RYR2: variants seen among roughly 807,000 people sequenced by gnomAD.
RYR2 encodes ryanodine receptor 2.
RYR2 carries 227 observed loss-of-function variants against 601.1 expected under a neutral mutation model. That is an observed-to-expected ratio of 0.38 (90% confidence interval 0.34 to 0.42). The LOEUF is 0.42. RYR2 is among the 10% of genes least tolerant of loss of function. RYR2 has a pLI of 1.00. For missense variants in RYR2, 4,646 were observed against 6,156.5 expected, an observed-to-expected ratio of 0.75 and a Z score of 8.21; for synonymous variants, 2,223 against 2,175.1, an observed-to-expected ratio of 1.02 and a Z score of -0.61.
intron 53 of RYR2, among the ~76,000 whole-genome samples, chr1:237,656,764 T>G (rs1193343392): frequency 6.6e-6 from 1 of 152,176 alleles, no homozygotes; most frequent in Admixed American, 6.6e-5. Context: ...CCCAGCTGAT[T>G]TAGCTTCCAT....
chr1:237,144,715 T>G (rs2148777642), intron 1 of RYR2, among the ~76,000 whole-genome samples: 1 of 152,306 alleles, frequency 6.6e-6, no homozygotes, highest in African/African-American at 2.4e-5. Context: ...ATACTATAGG[T>G]CTAGCTGCCC....
chr1:237,825,901 A>G (rs1334464857), intron 101 of RYR2, among the ~76,000 whole-genome samples: 1 of 152,236 alleles, frequency 6.6e-6, no homozygotes, highest in Non-Finnish European at 1.5e-5. Context: ...TATGCAGCCA[A>G]CAAACATATG....
At chr1:237,116,512 C>T (rs1670096846) in intron 1 of RYR2, among the ~76,000 whole-genome samples, 2 of 152,058 alleles carry the variant, frequency 1.3e-5, no homozygotes, top group South Asian at 2.1e-4. Flanking sequence ...CTTACACACA[C>T]ACAAATATAT....
chr1:237,582,655 TGTAA>T (rs1185510160), intron 29 of RYR2, among the ~76,000 whole-genome samples: 1 of 152,120 alleles, frequency 6.6e-6, no homozygotes, highest in East Asian at 1.9e-4. Context: ...AGCTCTCACT[TGTAA>T]GTGAGAATAC....
At chr1:237,562,187 G>A (rs952960696) in intron 27 of RYR2, among the ~76,000 whole-genome samples, 8 of 152,218 alleles carry the variant, frequency 5.3e-5, no homozygotes, top group Middle Eastern at 3.4e-3. Context: ...ATATTTTAAA[G>A]CATTTGAAAA....
At chr1:237,256,781 G>A (rs1483930158) in intron 1 of RYR2, among the ~76,000 whole-genome samples, 3 of 152,182 alleles carry the variant, frequency 2.0e-5, no homozygotes, top group African/African-American at 7.2e-5. Flanking sequence ...AATGCAAAGT[G>A]AGAACGGTCG....
chr1:237,550,610 T>G lies in RYR2; in HGVS notation c.3133T>G (p.Ser1045Ala). The G allele has an allele frequency of 6.2e-7, 1 of 1,602,364 alleles. No individual in the cohort carries two copies. Among genetic ancestry groups the G allele is most frequent in the African/African-American group, 1.3e-5 (1 of 74,850 alleles). Residue 1045 changes from serine (S) to alanine (A), a missense_variant, in exon 27 of 105, where the codon TCC (serine) becomes GCC (alanine). Around this residue, in one of 17 missense-constraint regions of RYR2, gnomAD observed 1,807 missense variants for 2,088.1 expected, o/e 0.87. Coordinates refer to ENST00000366574, the MANE Select transcript of RYR2 (RefSeq NM_001035.3). ...TCTTCTGGATGACCGAACCAAGAAATCCAACAAGGACAGCCTCCGCGAGGC... is the reference window on the plus strand; with the variant it reads ...TCTTCTGGATGACCGAACCAAGAAAGCCAACAAGGACAGCCTCCGCGAGGC... ...YTLLDDRTKK[S>A]NKDSLREAVR...
In RYR2 at chr1:237,163,577, T is replaced by C. The variant is rs527266252; in HGVS notation, c.49-106920T>C. Among the ~76,000 whole-genome samples the C allele has an allele frequency of 1.2e-4, 19 of 152,318 alleles. No individual in the cohort carries two copies. The South Asian group carries it at 3.9e-3, about 32-fold the overall frequency. Reference sequence around the variant, plus strand: ...GAGTAATTCCTTGAGGACTATTCCTTTGACCTCTTCTTATAAAGTGTTATT... The same window carrying C: ...GAGTAATTCCTTGAGGACTATTCCTCTGACCTCTTCTTATAAAGTGTTATT... On this transcript the variant is annotated intron_variant, in intron 1 of 104. Coordinates refer to ENST00000366574, the MANE Select transcript of RYR2 (RefSeq NM_001035.3).
At position 237,774,271 on chromosome 1, in the gene RYR2, A is replaced by G. The variant is rs192102155; in HGVS notation, c.11775+623A>G. ...GACATGTTACCCTGAATCATTCACT[A>G]TGTTTGACGTGCCCCATGCTAAGGA... is the stretch of plus-strand genomic sequence containing the variant. On this transcript the variant is annotated intron_variant, in intron 87 of 104. Transcript: ENST00000366574. 2.3e-4 allele frequency among the ~76,000 whole-genome samples: 35 copies of G among 152,242 alleles called. 1 individual carries two copies. Among genetic ancestry groups the G allele is most frequent in the African/African-American group, 8.4e-4 (35 of 41,530 alleles).
At chr1:237,572,996 C>T (rs1672856101) in intron 29 of RYR2, among the ~76,000 whole-genome samples, 1 of 152,104 alleles carries the variant, frequency 6.6e-6, no homozygotes, top group African/African-American at 2.4e-5. Flanking sequence ...TTTTCTAGCA[C>T]AGAAACATAC....
intron 29 of RYR2, among the ~76,000 whole-genome samples, chr1:237,583,604 T>C (rs1388614655): frequency 1.3e-5 from 2 of 152,226 alleles, no homozygotes; most frequent in Non-Finnish European, 1.5e-5. Context: ...CATCTTCATA[T>C]AATATTGGTC....
intron 1 of RYR2, among the ~76,000 whole-genome samples, chr1:237,060,709 A>G (rs540070234): frequency 2.0e-5 from 3 of 152,320 alleles, no homozygotes; most frequent in African/African-American, 7.2e-5. Flanking sequence ...TGCTTCATTT[A>G]TATCAGAGAT....
At chr1:237,452,776 C>T (rs1006755376) in intron 14 of RYR2, among the ~76,000 whole-genome samples, 3 of 150,578 alleles carry the variant, frequency 2.0e-5, no homozygotes, top group African/African-American at 7.3e-5. Context: ...TTTTTTTCTC[C>T]TTGATTCTTG....
At chr1:237,462,847 T>C (rs898120978) in intron 16 of RYR2, among the ~76,000 whole-genome samples, 2 of 152,162 alleles carry the variant, frequency 1.3e-5, no homozygotes, top group African/African-American at 2.4e-5. Context: ...AGTTCGATCT[T>C]GTTCTTCAGG....
intron 19 of RYR2, among the ~76,000 whole-genome samples, chr1:237,495,809 C>A (rs931199955): frequency 6.6e-6 from 1 of 152,224 alleles, no homozygotes; most frequent in African/African-American, 2.4e-5. Flanking sequence ...AGGAAAATTT[C>A]TCCATGTCCG....
intron 1 of RYR2, among the ~76,000 whole-genome samples, chr1:237,220,859 T>G (rs1296327507): frequency 1.3e-5 from 2 of 151,968 alleles, no homozygotes; most frequent in African/African-American, 4.8e-5. Context: ...GAAGCTGAGG[T>G]GGGCAGATCA....
chr1:237,092,927 C>T (rs1175626296), intron 1 of RYR2, among the ~76,000 whole-genome samples: 1 of 152,162 alleles, frequency 6.6e-6, no homozygotes, highest in Non-Finnish European at 1.5e-5. Flanking sequence ...CCTTCTCCCT[C>T]CACATGCAGA....
At chr1:237,661,691 C>G (rs1341655114) in intron 56 of RYR2, among the ~76,000 whole-genome samples, 2 of 152,048 alleles carry the variant, frequency 1.3e-5, no homozygotes, top group Admixed American at 6.6e-5. Context: ...TTAGAAGGCA[C>G]AAGGGCGCTC....
intron 13 of RYR2, among the ~76,000 whole-genome samples, chr1:237,443,396 A>G (rs1026197284): frequency 6.6e-6 from 1 of 152,150 alleles, no homozygotes; most frequent in Non-Finnish European, 1.5e-5. Context: ...CTGCTATTTC[A>G]ATTTTACTTA....
Sources: allele counts gnomAD v4.1 joint callset (sites outside exome capture counted in the v4.1 genomes callset), GRCh38; gene constraint gnomAD v4.1.1; regional missense constraint gnomAD v4.1.1; transcripts MANE v1.5; gene names NCBI Gene and HGNC (gene_info 2026-07-23, HGNC 2026-07-21).